Variants in GRIK2 observed in about 807,000 individuals in gnomAD.
GRIK2 encodes the protein glutamate receptor ionotropic, kainate 2.
A neutral mutation model predicts 100.3 loss-of-function variants in GRIK2; 32 were observed. The observed-to-expected ratio is 0.32, with a 90% confidence interval of 0.24 to 0.43. The LOEUF is 0.43. GRIK2 is among the 20% of genes least tolerant of loss of function. GRIK2 has a pLI of 1.00. For missense variants in GRIK2, 843 were observed against 1,114.9 expected (o/e 0.76, Z 3.47); for synonymous variants, 417 against 389.4 (o/e 1.07, Z -0.83).
rs529747923 is a variant in GRIK2 at position 102,002,467 on chromosome 6, ATGTG to A, written c.2086-32870_2086-32867del. ...TATGTATATATAATTATATACACAT[ATGTG>A]TGTATGTATGGATATATGTTTTTAG... On this transcript the variant is annotated intron_variant, in intron 14 of 16. Transcript: ENST00000369134. Among the ~76,000 whole-genome samples the A allele has an allele frequency of 4.7e-5, 7 of 149,530 alleles. No individual in the cohort carries two copies. In the South Asian group the frequency reaches 1.3e-3, roughly 27 times the overall value.
intron 12 of GRIK2, among the ~76,000 whole-genome samples, chr6:101,922,269 A>G (rs987819267): frequency 5.9e-5 from 9 of 151,962 alleles, no homozygotes; most frequent in African/African-American, 1.5e-4. Flanking sequence ...CCCTACAACC[A>G]CGTCTCATTC....
At chr6:102,013,149 C>A (rs1181248669) in intron 14 of GRIK2, among the ~76,000 whole-genome samples, 1 of 152,098 alleles carries the variant, frequency 6.6e-6, no homozygotes, top group African/African-American at 2.4e-5. Flanking sequence ...AGATCTTTTA[C>A]CTCCCTGATT....
chr6:101,538,078 A>G (rs987692176), intron 2 of GRIK2, among the ~76,000 whole-genome samples: 2 of 151,822 alleles, frequency 1.3e-5, no homozygotes, highest in African/African-American at 4.8e-5. Flanking sequence ...TCATAATAGC[A>G]TATCATAACC....
intron 7 of GRIK2, among the ~76,000 whole-genome samples, chr6:101,738,507 C>T (rs1775823665): frequency 6.6e-6 from 1 of 152,112 alleles, no homozygotes; most frequent in South Asian, 2.1e-4. Context: ...TTCTAGTGTT[C>T]CCACCTGCCC....
chr6:102,030,113 T>C (rs1769907356), intron 14 of GRIK2, among the ~76,000 whole-genome samples: 1 of 151,284 alleles, frequency 6.6e-6, no homozygotes, highest in African/African-American at 2.4e-5. Context: ...AAATGCTGCA[T>C]GATCTCACTT....
At chr6:101,474,152 T>A (rs1039486132) in intron 2 of GRIK2, among the ~76,000 whole-genome samples, 9 of 151,866 alleles carry the variant, frequency 5.9e-5, no homozygotes, top group Non-Finnish European at 1.3e-4. Context: ...TAGGTCAATG[T>A]CTTCACCCAC....
intron 2 of GRIK2, among the ~76,000 whole-genome samples, chr6:101,618,071 A>G (rs1230202172): frequency 6.6e-6 from 1 of 151,684 alleles, no homozygotes; most frequent in Non-Finnish European, 1.5e-5. Flanking sequence ...AAAGTCTAAT[A>G]TGTCACATTT....
intron 14 of GRIK2, among the ~76,000 whole-genome samples, chr6:101,958,757 T>A (rs1792102620): frequency 6.6e-6 from 1 of 152,066 alleles, no homozygotes; most frequent in African/African-American, 2.4e-5. Flanking sequence ...TTTATAAAAT[T>A]ATTTTTTCTG....
chr6:101,548,897 G>A (rs984962320), intron 2 of GRIK2, among the ~76,000 whole-genome samples: 1 of 152,106 alleles, frequency 6.6e-6, no homozygotes, highest in African/African-American at 2.4e-5. Context: ...TCTTACCTCT[G>A]TATGGCCTCA....
At chr6:101,495,126 G>T (rs1053666573) in intron 2 of GRIK2, among the ~76,000 whole-genome samples, 2 of 151,316 alleles carry the variant, frequency 1.3e-5, no homozygotes, top group Non-Finnish European at 2.9e-5. Flanking sequence ...TCTATATTGT[G>T]TATGTATCTA....
intron 2 of GRIK2, among the ~76,000 whole-genome samples, chr6:101,550,752 G>A (rs1042528113): frequency 6.6e-6 from 1 of 152,148 alleles, no homozygotes; most frequent in African/African-American, 2.4e-5. Context: ...AAAGCAGACT[G>A]TAGCGCGATG....
chr6:101,567,578 T>A (rs527695211), intron 2 of GRIK2, among the ~76,000 whole-genome samples: 68 of 152,020 alleles, frequency 4.5e-4, no homozygotes, highest in Non-Finnish European at 9.0e-4. Flanking sequence ...TTCATAAACT[T>A]ACTCTCAAGA....
intron 4 of GRIK2, among the ~76,000 whole-genome samples, chr6:101,650,605 T>TC (rs1374768106): frequency 2.0e-5 from 3 of 152,120 alleles, no homozygotes; most frequent in Non-Finnish European, 4.4e-5. Flanking sequence ...TTGAGGAGAC[T>TC]CCAGCCTGAA....
intron 10 of GRIK2, among the ~76,000 whole-genome samples, chr6:101,841,330 G>GT (rs2128434440): frequency 6.6e-6 from 1 of 151,728 alleles, no homozygotes; most frequent in South Asian, 2.1e-4. Flanking sequence ...ATCACTGAAT[G>GT]TTTAACAAAT....
chr6:101,433,200 AAAAGTATGTAAAGTATCCAAT>A (rs1304376539), intron 2 of GRIK2, among the ~76,000 whole-genome samples: 3 of 152,190 alleles, frequency 2.0e-5, no homozygotes, highest in African/African-American at 7.2e-5. Context: ...ATAGACACGA[AAAAGTATGTAAAGTATCCAAT>A]AAAGTGCTCG....
chr6:101,631,125 G>C (rs2786249), intron 4 of GRIK2, among the ~76,000 whole-genome samples: 25,194 of 151,972 alleles, frequency 0.17, 2,199 homozygotes, highest in African/African-American at 0.23. Flanking sequence ...TTTTAAACAC[G>C]CTGAAAGTCT....
intron 2 of GRIK2, among the ~76,000 whole-genome samples, chr6:101,523,688 A>G (rs1022215920): frequency 2.7e-5 from 4 of 150,798 alleles, no homozygotes; most frequent in African/African-American, 7.3e-5. Context: ...TCTTTCCTTG[A>G]CTACAAAAAT....
intron 11 of GRIK2, among the ~76,000 whole-genome samples, chr6:101,874,146 G>T (rs1050847607): frequency 1.1e-4 from 17 of 152,044 alleles, no homozygotes; most frequent in Non-Finnish European, 2.4e-4. Flanking sequence ...ATTGCTTTTG[G>T]TGTTTTAGAC....
At chr6:101,847,210 C>T (rs1783863609) in intron 10 of GRIK2, among the ~76,000 whole-genome samples, 2 of 152,060 alleles carry the variant, frequency 1.3e-5, no homozygotes, top group African/African-American at 4.8e-5. Context: ...TTTCATTCAT[C>T]ACAGAGCATT....
Sources: gnomAD v4.1 joint callset for allele counts (sites outside exome capture counted in the v4.1 genomes callset) on GRCh38, gnomAD v4.1.1 for gene constraint, MANE v1.5 for transcripts, NCBI Gene and HGNC (gene_info 2026-07-23, HGNC 2026-07-21) for gene names.